LPAR1: variants seen among roughly 807,000 people sequenced by gnomAD.
LPAR1 encodes the protein LPA receptor 1.
LPAR1 carries 5 observed loss-of-function variants against 23.8 expected under a neutral mutation model. The observed-to-expected ratio is 0.21, with a 90% confidence interval of 0.11 to 0.44. The LOEUF is 0.44. Among genes scored for constraint, LPAR1 ranks in the 20% least tolerant of loss-of-function variants. The pLI is 0.99. For missense variants in LPAR1, 311 were observed against 482.8 expected (o/e 0.64, Z 3.33); for synonymous variants, 160 against 164.7 (o/e 0.97, Z 0.22).
chr9:111,005,067 C>G (rs940612824), intron 2 of LPAR1, among the ~76,000 whole-genome samples: 1 of 147,312 alleles, frequency 6.8e-6, no homozygotes, highest in South Asian at 2.1e-4. Flanking sequence ...AAGGCTAAAG[C>G]GCAAGCATTG....
chr9:110,882,929 G>A lies in LPAR1; in HGVS notation c.794-7207C>T, dbSNP rs1481869870. Among the ~76,000 whole-genome samples, 3 of 152,158 alleles carry A rather than the reference G, an allele frequency of 2.0e-5. No individual in the cohort carries two copies. The East Asian group carries it at 5.8e-4, about 29-fold the overall frequency. ...AAATTTTAACAACAAGAAACTAGAA[G>A]TCTTGATTTTTCTTAAGTAAAAGGT... is the stretch of plus-strand genomic sequence containing the variant. On this transcript the variant is annotated intron_variant, in intron 5 of 5. Transcript: ENST00000683809.
Position 110,910,414 on chromosome 9 carries a change from T to C in LPAR1, c.793+31007A>G, listed in dbSNP as rs1359576979. Among the ~76,000 whole-genome samples, 4 of 152,182 alleles carry C rather than the reference T, an allele frequency of 2.6e-5. No individual in the cohort carries two copies. In the East Asian group the frequency reaches 7.7e-4, roughly 29 times the overall value. ...AGAAACAAAGATTCCTTTCAAAATA[T>C]TACTGCTCATTGACAATGTACCTAG... is the stretch of plus-strand genomic sequence containing the variant. On this transcript the variant is annotated intron_variant, in intron 5 of 5. Coordinates refer to ENST00000683809, the MANE Select transcript of LPAR1 (RefSeq NM_001351411.2).
chr9:110,963,455 G>A (rs1189887728), intron 4 of LPAR1, among the ~76,000 whole-genome samples: 4 of 152,070 alleles, frequency 2.6e-5, no homozygotes, highest in Admixed American at 6.6e-5. Flanking sequence ...TTTATCCAAC[G>A]TGGCCTTCCT....
chr9:110,919,130 A>T (rs146167740), intron 5 of LPAR1, among the ~76,000 whole-genome samples: 45 of 152,270 alleles, frequency 3.0e-4, no homozygotes, highest in Non-Finnish European at 5.3e-4. Flanking sequence ...CTCAAAAGGG[A>T]GATTACCCTG....
intron 5 of LPAR1, among the ~76,000 whole-genome samples, chr9:110,893,321 G>A (rs60031422): frequency 0.016 from 2,500 of 152,132 alleles, 62 homozygotes; most frequent in African/African-American, 0.055. Context: ...TATTTATAAC[G>A]GTAGAAAATT....
intron 2 of LPAR1, among the ~76,000 whole-genome samples, chr9:111,021,512 TGGA>T (rs2097559350): frequency 6.6e-6 from 1 of 152,176 alleles, no homozygotes; most frequent in Non-Finnish European, 1.5e-5. Flanking sequence ...TTATAAAATG[TGGA>T]ATATATATAA....
intron 4 of LPAR1, among the ~76,000 whole-genome samples, chr9:110,960,781 T>C (rs898298690): frequency 2.6e-5 from 4 of 152,196 alleles, no homozygotes; most frequent in Non-Finnish European, 5.9e-5. Flanking sequence ...CTGAGAACTC[T>C]ATTTCTGTGA....
At chr9:110,940,998 C>T (rs2095062695) in intron 5 of LPAR1, among the ~76,000 whole-genome samples, 2 of 152,102 alleles carry the variant, frequency 1.3e-5, no homozygotes, top group Admixed American at 1.3e-4. Flanking sequence ...ACAGAATAGA[C>T]TAACAAAAAT....
Position 110,874,335 on chromosome 9 carries a change from A to G in LPAR1, c.*1086T>C, listed in dbSNP as rs1249939179. On this transcript the variant is annotated 3_prime_UTR_variant, in exon 6 of 6. Transcript: ENST00000683809. ...GTAAAATTTTTAATGCCATAAGAAAATGTGGCAATTTTGCAATGAAAAAGA... is the reference window on the plus strand; with the variant it reads ...GTAAAATTTTTAATGCCATAAGAAAGTGTGGCAATTTTGCAATGAAAAAGA... 1 of 152,606 alleles carries G rather than the reference A, an allele frequency of 6.6e-6. No homozygotes were observed. The highest frequency in any genetic ancestry group is 2.4e-5 in the African/African-American group (1 of 41,454). The allele number at this position is 152,606 out of a possible 1,614,324, so 9.5% of individuals were successfully genotyped here.
At chr9:110,940,678 C>T (rs543884550) in intron 5 of LPAR1, among the ~76,000 whole-genome samples, 2 of 152,266 alleles carry the variant, frequency 1.3e-5, no homozygotes, top group African/African-American at 4.8e-5. Flanking sequence ...CAGCACAGAG[C>T]GTAGAACATA....
At chr9:110,915,210 A>G (rs2092942152) in intron 5 of LPAR1, among the ~76,000 whole-genome samples, 1 of 152,228 alleles carries the variant, frequency 6.6e-6, no homozygotes, top group South Asian at 2.1e-4. Flanking sequence ...GATGATGAGA[A>G]TAAGAAGTAC....
At chr9:110,886,608 G>C (rs988043013) in intron 5 of LPAR1, among the ~76,000 whole-genome samples, 1 of 152,014 alleles carries the variant, frequency 6.6e-6, no homozygotes, top group African/African-American at 2.4e-5. Context: ...TCTTCACTTT[G>C]CTGTATCATA....
At chr9:110,931,781 T>G in intron 5 of LPAR1, among the ~76,000 whole-genome samples, 1 of 150,444 alleles carries the variant, frequency 6.6e-6, no homozygotes, top group Non-Finnish European at 1.5e-5. Flanking sequence ...AATAGGGAAT[T>G]GTTTCCCCAT....
rs115982306 is a variant in LPAR1, at chr9:110,989,666, A to G, written c.-181-16108T>C. ...AAGATAAAATGAAATCATAAAGTAT[A>G]CCAAATCCAAAAAATAGAACAAATG... On this transcript the variant is annotated intron_variant, in intron 2 of 5. Coordinates refer to ENST00000683809, the MANE Select transcript of LPAR1 (RefSeq NM_001351411.2). Among the ~76,000 whole-genome samples the G allele has an allele frequency of 3.1e-3, 477 of 152,280 alleles. 6 individuals are homozygous for G. The highest frequency in any genetic ancestry group is 0.011 in the African/African-American group (460 of 41,582).
intron 5 of LPAR1, among the ~76,000 whole-genome samples, chr9:110,924,120 C>A (rs1332074541): frequency 6.6e-6 from 1 of 151,868 alleles, no homozygotes; most frequent in Non-Finnish European, 1.5e-5. Context: ...GACTCCCAAT[C>A]CCCTTGTGAT....
chr9:111,030,305 T>C (rs2097773279), intron 2 of LPAR1, among the ~76,000 whole-genome samples: 2 of 152,196 alleles, frequency 1.3e-5, no homozygotes, highest in Non-Finnish European at 2.9e-5. Context: ...ATGCCTCACT[T>C]AGTTGACAAT....
intron 2 of LPAR1, among the ~76,000 whole-genome samples, chr9:110,983,466 G>C (rs1019679279): frequency 6.6e-6 from 1 of 151,984 alleles, no homozygotes; most frequent in African/African-American, 2.4e-5. Context: ...TAGAGACAAA[G>C]TACAGTAGTA....
intron 5 of LPAR1, among the ~76,000 whole-genome samples, chr9:110,882,099 A>G (rs2081032183): frequency 6.6e-6 from 1 of 152,230 alleles, no homozygotes; most frequent in South Asian, 2.1e-4. Flanking sequence ...AGCCAGAGCA[A>G]CAGCCCACCA....
intron 1 of LPAR1, among the ~76,000 whole-genome samples, chr9:111,036,765 T>C (rs2097904667): frequency 6.6e-6 from 1 of 152,140 alleles, no homozygotes. Context: ...CTCTTGCCAC[T>C]TGGTGTTTTT....
Sources: allele counts gnomAD v4.1 joint callset (sites outside exome capture counted in the v4.1 genomes callset), GRCh38; gene constraint gnomAD v4.1.1; transcripts MANE v1.5; gene names NCBI Gene and HGNC (gene_info 2026-07-23, HGNC 2026-07-21).